Variants in VWA3B observed in about 807,000 individuals in gnomAD.
The protein encoded by VWA3B is von Willebrand factor A domain containing 3B.
In VWA3B, 138 loss-of-function variants were observed where a neutral mutation model predicts 158.3. The ratio of observed to expected loss-of-function variants is 0.87; its 90% CI spans 0.76 to 1.00. The LOEUF is 1.00. Ranked by LOEUF, VWA3B falls within the 50% of genes least tolerant of loss-of-function variation. The probability of loss-of-function intolerance (pLI) is 0.00; values close to 1 mark genes in which losing one functional copy is unlikely to be tolerated. For missense variants in VWA3B, 1,555 were observed against 1,565.1 expected, an observed-to-expected ratio of 0.99 and a Z score of 0.11; for synonymous variants, 596 against 587.3, an observed-to-expected ratio of 1.01 and a Z score of -0.21.
chr2:98,317,037 TA>T (rs1418550527), downstream of VWA3B, among the ~76,000 whole-genome samples: 4 of 152,206 alleles, frequency 2.6e-5, no homozygotes, highest in East Asian at 7.7e-4. Flanking sequence ...TATAAGCAGG[TA>T]GGTGAATTCA....
At chr2:98,131,266 T>C (rs1675848249) in intron 6 of VWA3B, among the ~76,000 whole-genome samples, 1 of 152,242 alleles carries the variant, frequency 6.6e-6, no homozygotes, top group African/African-American at 2.4e-5. Context: ...CCATCCATGT[T>C]GCTGCAAATG....
intron 12 of VWA3B, among the ~76,000 whole-genome samples, chr2:98,198,741 T>C (rs537701403): frequency 6.6e-6 from 1 of 152,224 alleles, no homozygotes; most frequent in African/African-American, 2.4e-5. Flanking sequence ...CTTTTCCTTT[T>C]CCAGAATGTC....
intron 6 of VWA3B, among the ~76,000 whole-genome samples, chr2:98,130,074 G>A (rs1675740393): frequency 6.6e-6 from 1 of 152,126 alleles, no homozygotes; most frequent in Admixed American, 6.5e-5. Flanking sequence ...ATCATTATCG[G>A]GTGTGGCAGG....
intron 19 of VWA3B, among the ~76,000 whole-genome samples, chr2:98,249,635 G>A (rs73961205): frequency 0.042 from 6,341 of 152,108 alleles, 419 homozygotes; most frequent in African/African-American, 0.14. Context: ...TGCTTGGCAT[G>A]AAATCAAAGA....
intron 23 of VWA3B, among the ~76,000 whole-genome samples, chr2:98,294,230 A>G (rs950320988): frequency 5.4e-5 from 8 of 147,658 alleles, no homozygotes; most frequent in Non-Finnish European, 9.0e-5. Context: ...AAAAAAAAAA[A>G]GAAGGCCAAA....
intron 1 of VWA3B, among the ~76,000 whole-genome samples, chr2:98,092,415 C>T (rs866632984): frequency 2.6e-5 from 4 of 152,170 alleles, no homozygotes; most frequent in African/African-American, 4.8e-5. Flanking sequence ...GAGGCCAAGG[C>T]GGGCGGATCA....
At chr2:98,191,452 T>G (rs932090449) in intron 10 of VWA3B, among the ~76,000 whole-genome samples, 1 of 152,246 alleles carries the variant, frequency 6.6e-6, no homozygotes, top group South Asian at 2.1e-4. Context: ...ATTGTATTTT[T>G]ATATATGTTC....
intron 7 of VWA3B, among the ~76,000 whole-genome samples, chr2:98,134,988 A>G (rs1676150647): frequency 6.6e-6 from 1 of 152,162 alleles, no homozygotes; most frequent in African/African-American, 2.4e-5. Context: ...TGTTCCAATC[A>G]TGAAGGGGAC....
chr2:98,210,061 C>A (rs772157910), intron 12 of VWA3B, among the ~76,000 whole-genome samples: 3 of 152,102 alleles, frequency 2.0e-5, no homozygotes, highest in Non-Finnish European at 4.4e-5. Context: ...GGGGAGCAGA[C>A]CACAGATTAA....
At chr2:98,207,055 T>C (rs760550319) in intron 12 of VWA3B, 15 of 503,982 alleles carry the variant, frequency 3.0e-5, no homozygotes, top group Non-Finnish European at 6.0e-5. Flanking sequence ...TGTACTCCTG[T>C]TTATTGATAA....
rs115034354 is a variant in VWA3B, at chr2:98,121,730, G to A, written c.702+272G>A. Among the ~76,000 whole-genome samples, 1,457 of 152,134 alleles carry A rather than the reference G, an allele frequency of 9.6e-3. 14 individuals carry two copies. The highest frequency in any genetic ancestry group is 0.033 in the African/African-American group (1,359 of 41,498). On this transcript the variant is annotated intron_variant, in intron 5 of 27. Coordinates refer to ENST00000477737, the MANE Select transcript of VWA3B (RefSeq NM_144992.5). ...TTGTTTAGCCAGTGTCGGGAGAGCC[G>A]AGTGCGACTCACACCCACCGAGCAC...
intron 7 of VWA3B, among the ~76,000 whole-genome samples, chr2:98,146,502 C>T (rs568660253): frequency 6.6e-6 from 1 of 152,308 alleles, no homozygotes; most frequent in South Asian, 2.1e-4. Context: ...CTTTGCCTCT[C>T]TTAACCAAGT....
intron 22 of VWA3B, among the ~76,000 whole-genome samples, chr2:98,275,302 T>C (rs1048774819): frequency 4.6e-5 from 7 of 152,222 alleles, no homozygotes; most frequent in Non-Finnish European, 7.3e-5. Context: ...CTCTTGATTC[T>C]TAGATACCCG....
intron 16 of VWA3B, 124 bp downstream of exon 16, chr2:98,230,331 T>A: frequency 1.0e-6 from 1 of 1,001,260 alleles, no homozygotes; most frequent in Non-Finnish European, 1.3e-6. Context: ...TAAATTAAAA[T>A]TTTTATTAAA....
intron 7 of VWA3B, among the ~76,000 whole-genome samples, chr2:98,144,966 G>A (rs1677066510): frequency 6.6e-6 from 1 of 152,242 alleles, no homozygotes; most frequent in African/African-American, 2.4e-5. Flanking sequence ...AGTGGCTCAG[G>A]AGCTGTGCTC....
intron 9 of VWA3B, 66 bp downstream of exon 9, chr2:98,181,278 C>T: frequency 2.6e-6 from 4 of 1,552,704 alleles, no homozygotes; most frequent in Non-Finnish European, 3.5e-6. Context: ...GTGAGGCCTC[C>T]ATCGGGTCAG....
At chr2:98,195,596 T>C (rs1396959837) in intron 12 of VWA3B, among the ~76,000 whole-genome samples, 1 of 152,172 alleles carries the variant, frequency 6.6e-6, no homozygotes, top group Non-Finnish European at 1.5e-5. Context: ...TTTTTTTTTC[T>C]GTCCTTTTAT....
chr2:98,225,432 T>C (rs572494864), intron 14 of VWA3B, among the ~76,000 whole-genome samples: 1 of 152,070 alleles, frequency 6.6e-6, no homozygotes, highest in South Asian at 2.1e-4. Flanking sequence ...CTCAGCAAAA[T>C]AGAAATAGAA....
intron 2 of VWA3B, among the ~76,000 whole-genome samples, chr2:98,100,953 A>G (rs908239862): frequency 6.6e-6 from 1 of 152,184 alleles, no homozygotes; most frequent in Non-Finnish European, 1.5e-5. Flanking sequence ...GTAGGGGACA[A>G]TCACTGGAAA....
Sources: allele counts gnomAD v4.1 joint callset (sites outside exome capture counted in the v4.1 genomes callset), GRCh38; gene constraint gnomAD v4.1.1; transcripts MANE v1.5; gene names NCBI Gene and HGNC (gene_info 2026-07-23, HGNC 2026-07-21).